SDK1: variants seen among roughly 807,000 people sequenced by gnomAD.
SDK1 encodes the protein sidekick cell adhesion molecule 1, also known as protein sidekick-1.
Under a neutral mutation model 245.5 loss-of-function variants are expected in SDK1, and 157 were observed. That is an observed-to-expected ratio of 0.64 (90% CI 0.56 to 0.73). The LOEUF is 0.73. Ranked by LOEUF, SDK1 falls within the 30% of genes least tolerant of loss-of-function variation. The probability of loss-of-function intolerance (pLI) is 0.00; values close to 1 mark genes in which losing one functional copy is unlikely to be tolerated. For missense variants in SDK1, 3,583 were observed against 3,002.3 expected (o/e 1.19, Z -4.52); for synonymous variants, 1,647 against 1,278.5 (o/e 1.29, Z -6.15).
chr7:4,053,191 T>C (rs1219766135), intron 19 of SDK1, among the ~76,000 whole-genome samples: 7 of 152,012 alleles, frequency 4.6e-5, no homozygotes. Context: ...TCTGAACTTG[T>C]CTCTACTAGA....
At chr7:4,001,430 C>T (rs1343049247) in intron 14 of SDK1, among the ~76,000 whole-genome samples, 1 of 152,200 alleles carries the variant, frequency 6.6e-6, no homozygotes, top group Non-Finnish European at 1.5e-5. Context: ...AGGTCAAAGT[C>T]TGGCCTCGGT....
intron 1 of SDK1, among the ~76,000 whole-genome samples, chr7:3,455,068 G>C (rs1042856196): frequency 5.3e-5 from 8 of 151,240 alleles, no homozygotes; most frequent in African/African-American, 1.9e-4. Context: ...TCACATTTTT[G>C]TAATGGCTAC....
At chr7:3,633,189 A>G (rs1391164943) in intron 2 of SDK1, among the ~76,000 whole-genome samples, 1 of 152,250 alleles carries the variant, frequency 6.6e-6, no homozygotes, top group Admixed American at 6.5e-5. Flanking sequence ...CAGCATAAAA[A>G]TTAAAGTTGT....
intron 4 of SDK1, among the ~76,000 whole-genome samples, chr7:3,798,508 C>T (rs1404379331): frequency 3.9e-5 from 6 of 152,264 alleles, no homozygotes; most frequent in East Asian, 3.9e-4. Context: ...TGAACCACTG[C>T]ACCCAGCCAA....
chr7:3,759,582 T>TGCA (rs1780034390), intron 4 of SDK1, among the ~76,000 whole-genome samples: 1 of 138,154 alleles, frequency 7.2e-6, no homozygotes, highest in African/African-American at 2.9e-5. Context: ...TTAAATTTTT[T>TGCA]TCATTATTAT....
At chr7:3,769,850 T>C (rs1373858089) in intron 4 of SDK1, among the ~76,000 whole-genome samples, 1 of 151,964 alleles carries the variant, frequency 6.6e-6, no homozygotes, top group East Asian at 2.0e-4. Context: ...CTAGCCAGTT[T>C]TCCTGCTTGT....
chr7:3,683,487 A>G (rs1346691251), intron 4 of SDK1, among the ~76,000 whole-genome samples: 2 of 152,176 alleles, frequency 1.3e-5, no homozygotes, highest in African/African-American at 4.8e-5. Flanking sequence ...ATCTTCTGTT[A>G]AGATTTTGTT....
At chr7:3,787,739 C>G (rs919375138) in intron 4 of SDK1, among the ~76,000 whole-genome samples, 1 of 152,176 alleles carries the variant, frequency 6.6e-6, no homozygotes, top group African/African-American at 2.4e-5. Flanking sequence ...CTAAAAAACT[C>G]TCTGAAGTTG....
intron 4 of SDK1, among the ~76,000 whole-genome samples, chr7:3,783,464 C>A (rs1333117365): frequency 1.4e-5 from 2 of 147,646 alleles, no homozygotes; most frequent in East Asian, 3.9e-4. Flanking sequence ...GAAAATGCTA[C>A]AGACCCCACC....
At chr7:3,578,472 G>T (rs1344255036) in intron 1 of SDK1, among the ~76,000 whole-genome samples, 1 of 151,984 alleles carries the variant, frequency 6.6e-6, no homozygotes. Context: ...CAGGATTCGA[G>T]AGCAGAAAAC....
At chr7:3,962,588 A>G (rs958543979) in intron 8 of SDK1, 69 bp from the exon 9 acceptor site, 35 of 1,333,856 alleles carry the variant, frequency 2.6e-5, no homozygotes, top group Non-Finnish European at 3.4e-5. Context: ...TAGCCTTTGA[A>G]ACAGATGTGC....
At chr7:3,938,792 T>A (rs1021516702) in intron 5 of SDK1, among the ~76,000 whole-genome samples, 2 of 152,236 alleles carry the variant, frequency 1.3e-5, no homozygotes, top group Admixed American at 1.3e-4. Flanking sequence ...CAATTTGTGC[T>A]CATCCTGAAC....
At chr7:3,336,094 C>G (rs1239312717) in intron 1 of SDK1, among the ~76,000 whole-genome samples, 1 of 152,118 alleles carries the variant, frequency 6.6e-6, no homozygotes, top group Non-Finnish European at 1.5e-5. Flanking sequence ...GAGCCTGTTC[C>G]CCATAGCCAG....
chr7:4,143,329 G>T (rs6956417), intron 28 of SDK1, among the ~76,000 whole-genome samples: 1 of 152,244 alleles, frequency 6.6e-6, no homozygotes, highest in Admixed American at 6.5e-5. Flanking sequence ...TAGGGAAGGG[G>T]TCTTGCCAGC....
intron 21 of SDK1, among the ~76,000 whole-genome samples, chr7:4,077,822 A>T (rs1363198908): frequency 2.0e-5 from 3 of 152,184 alleles, no homozygotes; most frequent in Admixed American, 6.5e-5. Context: ...CTCATGACAC[A>T]TGGGAAATGT....
rs567182426 is a variant in SDK1 at position 3,476,332 on chromosome 7, G to A, written c.299-142748G>A. Among the ~76,000 whole-genome samples, 19 of 152,212 alleles carry A rather than the reference G, an allele frequency of 1.2e-4. 1 individual carries two copies. The highest frequency in any genetic ancestry group is 8.3e-4 in the South Asian group (4 of 4,826). The stretch of plus-strand genomic sequence containing the variant: ...ACATAGACAATATTTTTCAGTTGCC[G>A]TTACCGCTCCTGGTCGCATCTAACA... On this transcript the variant is annotated intron_variant, in intron 1 of 44. Transcript: ENST00000404826.
chr7:4,217,343 CGCCACCCGGAGAACCAG>C (rs1784871619), intron 38 of SDK1, among the ~76,000 whole-genome samples: 7 of 105,246 alleles, frequency 6.7e-5, no homozygotes, highest in Admixed American at 9.4e-5. Context: ...CGGAGAACCA[CGCCACCCGGAGAACCAG>C]GCCACCCGGA....
At chr7:3,553,555 C>T (rs1053866037) in intron 1 of SDK1, among the ~76,000 whole-genome samples, 1 of 152,146 alleles carries the variant, frequency 6.6e-6, no homozygotes, top group Non-Finnish European at 1.5e-5. Flanking sequence ...GACCTCTGAA[C>T]TAGCAACCGA....
chr7:3,786,350 T>C (rs981964814), intron 4 of SDK1, among the ~76,000 whole-genome samples: 1 of 152,220 alleles, frequency 6.6e-6, no homozygotes, highest in African/African-American at 2.4e-5. Context: ...AGTAGAGGAA[T>C]ACGTGATATT....
Sources: allele counts gnomAD v4.1 joint callset (sites outside exome capture counted in the v4.1 genomes callset), GRCh38; gene constraint gnomAD v4.1.1; transcripts MANE v1.5; gene names NCBI Gene and HGNC (gene_info 2026-07-23, HGNC 2026-07-21).